NCOA5: variants seen among roughly 807,000 people sequenced by gnomAD.
The protein encoded by NCOA5 is nuclear receptor coactivator 5.
NCOA5 carries 12 observed loss-of-function variants against 59.0 expected under a neutral mutation model. That is an observed-to-expected ratio of 0.20 (90% CI 0.13 to 0.33). The LOEUF is 0.33. Among genes scored for constraint, NCOA5 ranks in the 10% least tolerant of loss-of-function variants. The pLI, the probability that NCOA5 is intolerant of heterozygous loss-of-function variation, is 1.00. For synonymous variants in NCOA5, 270 were observed against 275.5 expected, an observed-to-expected ratio of 0.98 and a Z score of 0.20; for missense variants, 655 against 766.6, an observed-to-expected ratio of 0.85 and a Z score of 1.72.
chr20:46,072,477 G>T (rs1429000389), intron 2 of NCOA5, among the ~76,000 whole-genome samples: 2 of 152,176 alleles, frequency 1.3e-5, no homozygotes, highest in Non-Finnish European at 2.9e-5. Context: ...TGGAACTACA[G>T]ATGTGTGCCA....
At chr20:46,077,583 A>G (rs1380060738) in intron 2 of NCOA5, among the ~76,000 whole-genome samples, 2 of 152,210 alleles carry the variant, frequency 1.3e-5, no homozygotes, top group East Asian at 3.8e-4. Flanking sequence ...AGAGATCACC[A>G]AGTATCATGG....
At chr20:46,078,151 A>G (rs2084957537) in intron 2 of NCOA5, among the ~76,000 whole-genome samples, 1 of 151,974 alleles carries the variant, frequency 6.6e-6, no homozygotes, top group African/African-American at 2.4e-5. Flanking sequence ...AGAGTGGACA[A>G]AGACTCCAAC....
chr20:46,084,691 T>C (rs191581106), intron 1 of NCOA5, among the ~76,000 whole-genome samples: 14 of 152,360 alleles, frequency 9.2e-5, no homozygotes, highest in African/African-American at 3.4e-4. Context: ...GAATCTATAT[T>C]TCCTTTCTGA....
chr20:46,068,280 T>C (rs551511639), intron 4 of NCOA5, among the ~76,000 whole-genome samples: 38 of 152,238 alleles, frequency 2.5e-4, no homozygotes, highest in Non-Finnish European at 5.1e-4. Flanking sequence ...TTTCTTCTTG[T>C]TGGATGACTA....
chr20:46,079,292 T>C (rs2084968473), intron 2 of NCOA5, 95 bp downstream of exon 2: 6 of 1,189,028 alleles, frequency 5.0e-6, no homozygotes, highest in South Asian at 3.7e-5. Flanking sequence ...GTTTCACTTG[T>C]TGGGGGGAAG....
chr20:46,083,168 C>T (rs1417035632), intron 1 of NCOA5, among the ~76,000 whole-genome samples: 1 of 152,176 alleles, frequency 6.6e-6, no homozygotes, highest in Non-Finnish European at 1.5e-5. Context: ...GGACTGAGCT[C>T]CTGAACTAGG....
chr20:46,063,336 C>A, intron 7 of NCOA5, 24 bp downstream of exon 7: 1 of 1,604,720 alleles, frequency 6.2e-7, no homozygotes, highest in Non-Finnish European at 8.5e-7. Flanking sequence ...CAGAACTTCA[C>A]CTCGGCCCTG....
At chr20:46,065,253 T>A in intron 5 of NCOA5, 25 bp from the exon 6 acceptor site, 1 of 1,612,288 alleles carries the variant, frequency 6.2e-7, no homozygotes, top group Non-Finnish European at 8.5e-7. Context: ...AAGATCCAGG[T>A]GAGCGACCAA....
At position 46,070,499 on chromosome 20, in the gene NCOA5, G is replaced by A. The variant is rs536781077; in HGVS notation, c.76C>T (p.Arg26Cys). ...CTTCCTCGAATTGGGGATCGATCACGCCTTGAATCTCGACTGTCTCCAAAG... is the reference window on the plus strand; with the variant it reads ...CTTCCTCGAATTGGGGATCGATCACACCTTGAATCTCGACTGTCTCCAAAG... The part of the protein sequence containing the change: ...YGFGDSRDSR[R>C]DRSPIRGSPR... The change falls in exon 3 of 8, where the codon CGT becomes TGT. Residue 26 changes from arginine to cysteine, a missense_variant. Around this residue, in one of 3 missense-constraint regions of NCOA5, gnomAD observed 250 missense variants for 260.1 expected, o/e 0.96. Coordinates refer to ENST00000290231, the MANE Select transcript of NCOA5 (RefSeq NM_020967.3). The A allele has an allele frequency of 2.4e-5, 38 of 1,614,018 alleles. No homozygotes were observed. The highest frequency in any genetic ancestry group is 5.0e-5 in the Admixed American group (3 of 60,012).
chr20:46,079,312 T>C (rs2084968703), intron 2 of NCOA5, 75 bp downstream of exon 2: 1 of 1,399,128 alleles, frequency 7.1e-7, no homozygotes, highest in African/African-American at 1.4e-5. Flanking sequence ...GAAAAGACCT[T>C]TGGTGTACGA....
At chr20:46,066,472 C>G (rs2084824446) in intron 5 of NCOA5, among the ~76,000 whole-genome samples, 1 of 152,216 alleles carries the variant, frequency 6.6e-6, no homozygotes, top group Non-Finnish European at 1.5e-5. Context: ...CCCTCTTCCA[C>G]TCTCAGTCTG....
intron 3 of NCOA5, among the ~76,000 whole-genome samples, 198 bp from the exon 4 acceptor site, chr20:46,068,836 T>C (rs2084851828): frequency 6.6e-6 from 1 of 152,222 alleles, no homozygotes; most frequent in East Asian, 1.9e-4. Flanking sequence ...TTGGCATATA[T>C]TAAATGCAAA....
At position 46,070,288 on chromosome 20, in the gene NCOA5, G is replaced by T. The variant is rs763950618; in HGVS notation, c.287C>A (p.Ser96Tyr). The change falls in exon 3 of 8, where the codon TCT (serine) becomes TAT (tyrosine). Residue 96 changes from serine (S) to tyrosine (Y), a missense_variant. This residue lies in a region of NCOA5 where 250 missense variants were observed against 260.1 expected (regional missense o/e 0.96). Transcript: ENST00000290231. ...DLRDFRDLRD[S>Y]RDFRDQRDPM... ...GTCTCGCTGATCTCGAAAATCCCTA[G>T]AGTCTCTTAGATCACGAAAGTCTCT... 2.5e-6 allele frequency: 4 copies of T among 1,613,932 alleles called. No homozygotes were observed. In the South Asian group the frequency reaches 4.4e-5, roughly 18 times the overall value.
In NCOA5 at chr20:46,062,569, CCT is replaced by C; in HGVS notation, c.1469_1470del (p.Gln490ArgfsTer30). ...GGGCCCATGTTCTGAGCAGATCCTC[CCT>C]GTCCCAAAATGCTTGGAGGCTGATT... is the stretch of plus-strand genomic sequence containing the variant. ...SGNQPPSILGQGGSAQNMGPR... is the reference protein window; with the variant it reads ...SGNQPPSILGXGGSAQNMGPR... On this transcript the variant is annotated frameshift_variant, in exon 8 of 8. Coordinates refer to ENST00000290231, the MANE Select transcript of NCOA5 (RefSeq NM_020967.3). LOFTEE classifies it high-confidence loss of function. 6.2e-7 allele frequency: 1 copy of C among 1,614,228 alleles called. No homozygotes were observed. The highest frequency in any genetic ancestry group is 8.5e-7 in the Non-Finnish European group (1 of 1,180,044).
At chr20:46,066,994 C>T (rs1245894407) in intron 5 of NCOA5, 61 bp downstream of exon 5, 2 of 1,584,588 alleles carry the variant, frequency 1.3e-6, no homozygotes, top group East Asian at 2.2e-5. Context: ...AGGTGCTAAA[C>T]AGGAGCCTGA....
chr20:46,080,052 G>A (rs2084975621), intron 1 of NCOA5, among the ~76,000 whole-genome samples: 1 of 139,144 alleles, frequency 7.2e-6, no homozygotes, highest in Admixed American at 7.3e-5. Flanking sequence ...CAAAGAATAT[G>A]ACCTGTTAAC....
chr20:46,065,358 G>A (rs2084812411), intron 5 of NCOA5, 130 bp from the exon 6 acceptor site: 2 of 838,004 alleles, frequency 2.4e-6, no homozygotes, highest in African/African-American at 3.4e-5. Flanking sequence ...CAGGATCCAA[G>A]TATCTAGACC....
At chr20:46,073,303 ATT>A (rs2084904183) in intron 2 of NCOA5, among the ~76,000 whole-genome samples, 1 of 152,342 alleles carries the variant, frequency 6.6e-6, no homozygotes, top group Admixed American at 6.5e-5. Context: ...CATGAAAAAT[ATT>A]TGTTATATAT....
chr20:46,067,577 G>GA (rs35128577), intron 4 of NCOA5, among the ~76,000 whole-genome samples: 28,346 of 150,654 alleles, frequency 0.19, 2,841 homozygotes, highest in South Asian at 0.29. Context: ...TTTTTTTGGG[G>GA]AAAAAATCAA....
Sources: gnomAD v4.1 joint callset for allele counts (sites outside exome capture counted in the v4.1 genomes callset) on GRCh38, gnomAD v4.1.1 for gene constraint, gnomAD v4.1.1 regional missense constraint, MANE v1.5 for transcripts, NCBI Gene and HGNC (gene_info 2026-07-23, HGNC 2026-07-21) for gene names.